The following VSTM2L variants were observed in gnomAD, a reference collection of about 807,000 sequenced individuals.
The protein encoded by VSTM2L is V-set and transmembrane domain-containing protein 2-like protein.
VSTM2L carries 9 observed loss-of-function variants against 19.9 expected under a neutral mutation model. The ratio of observed to expected loss-of-function variants is 0.45; its 90% CI spans 0.27 to 0.79. VSTM2L has a LOEUF of 0.79. VSTM2L is among the 30% of genes least tolerant of loss of function. The pLI is 0.15. For synonymous variants in VSTM2L, 127 were observed against 133.8 expected (o/e 0.95, Z 0.35); for missense variants, 286 against 295.5 (o/e 0.97, Z 0.24).
intron 1 of VSTM2L, among the ~76,000 whole-genome samples, chr20:37,904,707 T>A (rs1177891373): frequency 6.6e-6 from 1 of 152,104 alleles, no homozygotes; most frequent in Non-Finnish European, 1.5e-5. Flanking sequence ...ATTGGATGAT[T>A]TATTCTGATG....
At chr20:37,924,751 C>G (rs1047964154) in intron 1 of VSTM2L, among the ~76,000 whole-genome samples, 18 of 152,080 alleles carry the variant, frequency 1.2e-4, no homozygotes, top group African/African-American at 4.3e-4. Context: ...GTGCAGTATC[C>G]TCACTCAGAG....
At chr20:37,914,389 GGT>G (rs1318869063) in intron 1 of VSTM2L, among the ~76,000 whole-genome samples, 3 of 3,632 alleles carry the variant, frequency 8.3e-4, no homozygotes, top group African/African-American at 3.8e-3. Flanking sequence ...TGTATGTGTG[GGT>G]GTGTGTATGT....
intron 1 of VSTM2L, among the ~76,000 whole-genome samples, chr20:37,922,385 C>T (rs2072856741): frequency 6.6e-6 from 1 of 152,166 alleles, no homozygotes; most frequent in African/African-American, 2.4e-5. Flanking sequence ...CACAGATGGA[C>T]TAGATTTTGT....
intron 1 of VSTM2L, among the ~76,000 whole-genome samples, chr20:37,908,013 C>T (rs781549904): frequency 5.3e-5 from 8 of 152,144 alleles, no homozygotes; most frequent in African/African-American, 1.7e-4. Context: ...AAAATGTGTT[C>T]GTCTTTGTCT....
At chr20:37,932,465 C>A (rs545323024) in intron 2 of VSTM2L, among the ~76,000 whole-genome samples, 2 of 151,966 alleles carry the variant, frequency 1.3e-5, no homozygotes, top group Non-Finnish European at 2.9e-5. Context: ...GCAGGAGGAG[C>A]AGGGGACTCA....
chr20:37,928,966 A>G (rs2072893767), intron 1 of VSTM2L, among the ~76,000 whole-genome samples: 1 of 152,244 alleles, frequency 6.6e-6, no homozygotes, highest in Non-Finnish European at 1.5e-5. Context: ...TCACATTTCA[A>G]GTGCTCAGCA....
intron 3 of VSTM2L, among the ~76,000 whole-genome samples, chr20:37,943,580 T>G (rs536638938): frequency 6.6e-6 from 1 of 152,218 alleles, no homozygotes; most frequent in South Asian, 2.1e-4. Flanking sequence ...CCTGTCTATT[T>G]TAAACTTCCA....
chr20:37,925,392 A>G (rs1246309256), intron 1 of VSTM2L, among the ~76,000 whole-genome samples: 1 of 152,206 alleles, frequency 6.6e-6, no homozygotes, highest in Non-Finnish European at 1.5e-5. Context: ...GCAGAGGCTC[A>G]GAGAGGGGAG....
Position 37,945,336 on chromosome 20 carries a change from G to A in VSTM2L, c.*1083G>A, listed in dbSNP as rs918289254. On this transcript the variant is annotated 3_prime_UTR_variant, in exon 4 of 4. Transcript: ENST00000373461. ...GTGACTACCAGCCAACCTGAATAAA[G>A]CGGTTTTAAAAAAACCTCTGGGCAG... 1.0e-6 allele frequency: 1 copy of A among 961,114 alleles called. No homozygotes were observed. The highest frequency in any genetic ancestry group is 4.8e-5 in the South Asian group (1 of 20,764). 59.5% of individuals were successfully genotyped at this position (961,114 alleles called of 1,614,324 possible).
chr20:37,943,953 C>A, intron 3 of VSTM2L, 28 bp from the exon 4 acceptor site: 2 of 986,226 alleles, frequency 2.0e-6, no homozygotes, highest in Non-Finnish European at 2.6e-6. Flanking sequence ...ACTGGATGGA[C>A]AGGTCACGGT....
chr20:37,944,626 C>T lies in VSTM2L; in HGVS notation c.*373C>T. ...CCATCCTGTCCTGAGCCGGGGCCCC[C>T]CAGCCTCGCCTCCCTCCTCCTACCA... On this transcript the variant is annotated 3_prime_UTR_variant, in exon 4 of 4. Coordinates refer to ENST00000373461, the MANE Select transcript of VSTM2L (RefSeq NM_080607.3). The T allele has an allele frequency of 9.7e-7, 1 of 1,029,208 alleles. No individual in the cohort carries two copies. Among genetic ancestry groups the T allele is most frequent in the South Asian group, 4.6e-5 (1 of 21,718 alleles). 63.8% of individuals were successfully genotyped at this position (1,029,208 alleles called of 1,614,324 possible). A position where few individuals can be genotyped will look rare whatever the true frequency, so the allele number is the denominator to read the frequency against.
chr20:37,928,110 A>G (rs1184322245), intron 1 of VSTM2L, among the ~76,000 whole-genome samples: 1 of 152,166 alleles, frequency 6.6e-6, no homozygotes, highest in Non-Finnish European at 1.5e-5. Context: ...TCTTTTGACC[A>G]GCCAGGGTCA....
intron 1 of VSTM2L, among the ~76,000 whole-genome samples, chr20:37,914,958 C>T (rs1211373738): frequency 6.6e-6 from 1 of 152,186 alleles, no homozygotes; most frequent in Non-Finnish European, 1.5e-5. Flanking sequence ...GGCGGGGTGT[C>T]TGTTTTGCTT....
At chr20:37,937,363 T>C in intron 3 of VSTM2L, among the ~76,000 whole-genome samples, 1 of 152,192 alleles carries the variant, frequency 6.6e-6, no homozygotes, top group East Asian at 1.9e-4. Context: ...GGCCTAAAAA[T>C]ATCTCCCTTG....
In VSTM2L at chr20:37,919,163, G is replaced by T. The variant is rs75879712; in HGVS notation, c.122-12472G>T. Among the ~76,000 whole-genome samples, 88 of 152,282 alleles carry T rather than the reference G, an allele frequency of 5.8e-4. 1 individual carries two copies. In the East Asian group the frequency reaches 0.016, roughly 27 times the overall value. ...ATCTCTTCCATTCCTTTTGAGGGAG[G>T]ACTTAAGCTCCTACTGCACGCTGAG... On this transcript the variant is annotated intron_variant, in intron 1 of 3. Coordinates refer to ENST00000373461, the MANE Select transcript of VSTM2L (RefSeq NM_080607.3).
chr20:37,944,197 A>T lies in VSTM2L; in HGVS notation c.559A>T (p.Lys187Ter). 9.4e-7 allele frequency: 1 copy of T among 1,059,792 alleles called. No homozygotes were observed. The highest frequency in any genetic ancestry group is 1.5e-5 in the South Asian group (1 of 66,054). The allele number at this position is 1,059,792 out of a possible 1,614,324, so 65.6% of individuals were successfully genotyped here. The change falls in exon 4 of 4, where the codon AAG (lysine) becomes TAG (stop). Residue 187 changes from lysine (K) to a stop codon, truncating the protein, a stop_gained. Coordinates refer to ENST00000373461, the MANE Select transcript of VSTM2L (RefSeq NM_080607.3). LOFTEE classifies it high-confidence loss of function. ...CGCCGCGCCCGCCCCGCCGCCCCCC[A>T]AGCCAGGCAAGGAGCTGAGGAAGCG... ...PPAAPAPPPP[K>*]PGKELRKRSV...
intron 1 of VSTM2L, among the ~76,000 whole-genome samples, chr20:37,914,409 G>T (rs118138033): frequency 2.0e-5 from 3 of 150,156 alleles, no homozygotes; most frequent in Non-Finnish European, 3.0e-5. Context: ...TGTATGTGTG[G>T]GTATGTCTGT....
chr20:37,912,523 G>A (rs2072785838), intron 1 of VSTM2L, among the ~76,000 whole-genome samples: 1 of 152,154 alleles, frequency 6.6e-6, no homozygotes, highest in Non-Finnish European at 1.5e-5. Flanking sequence ...TGTGTCTGGG[G>A]GGTGACTGTG....
At position 37,943,893 on chromosome 20, in the gene VSTM2L, G is replaced by A. The variant is rs1171201649; in HGVS notation, c.343-88G>A. On this transcript the variant is annotated intron_variant, in intron 3 of 3. Coordinates refer to ENST00000373461, the MANE Select transcript of VSTM2L (RefSeq NM_080607.3). The stretch of plus-strand genomic sequence containing the variant: ...GAGTGTTTCTGGGGCTCCCGTCCTA[G>A]CATGCGATCTTGGGACCCCCCCCCC... 4 of 1,313,398 alleles carry A rather than the reference G, an allele frequency of 3.0e-6. No individual in the cohort carries two copies. The East Asian group carries it at 1.1e-4, about 36-fold the overall frequency. The allele number at this position is 1,313,398 out of a possible 1,614,324, so 81.4% of individuals were successfully genotyped here.
Sources: gnomAD v4.1 joint callset for allele counts (sites outside exome capture counted in the v4.1 genomes callset) on GRCh38, gnomAD v4.1.1 for gene constraint, MANE v1.5 for transcripts, NCBI Gene and HGNC (gene_info 2026-07-23, HGNC 2026-07-21) for gene names.